The following CACNA1E variants were observed in gnomAD, a reference collection of about 807,000 sequenced individuals.
The protein encoded by CACNA1E is voltage-dependent R-type calcium channel subunit alpha-1E.
CACNA1E carries 40 observed loss-of-function variants against 259.2 expected under a neutral mutation model. The ratio of observed to expected loss-of-function variants is 0.15; its 90% CI spans 0.12 to 0.20. The LOEUF is 0.20. Ranked by LOEUF, CACNA1E falls within the 10% of genes least tolerant of loss-of-function variation. The pLI is 1.00. For missense variants in CACNA1E, 1,874 were observed against 3,040.1 expected, an observed-to-expected ratio of 0.62 and a Z score of 9.02; for synonymous variants, 1,104 against 1,138.5, an observed-to-expected ratio of 0.97 and a Z score of 0.61.
At chr1:181,666,722 A>G (rs945109300) in intron 7 of CACNA1E, among the ~76,000 whole-genome samples, 4 of 115,882 alleles carry the variant, frequency 3.5e-5, no homozygotes, top group Non-Finnish European at 7.8e-5. Context: ...ATATATATAT[A>G]CACACACACA....
At chr1:181,587,797 G>C (rs1030803254) in intron 6 of CACNA1E, among the ~76,000 whole-genome samples, 2 of 152,166 alleles carry the variant, frequency 1.3e-5, no homozygotes, top group Non-Finnish European at 2.9e-5. Context: ...GCAGGAGAAT[G>C]GTGTGAACCC....
chr1:181,807,665 T>A lies in CACNA1E; in HGVS notation c.*8831T>A, dbSNP rs1662723730. 5 of 152,114 alleles carry A rather than the reference T, an allele frequency of 3.3e-5. No individual in the cohort carries two copies. In the South Asian group the frequency reaches 1.0e-3, roughly 32 times the overall value. The allele number at this position is 152,114 out of a possible 1,614,324, so 9.4% of individuals were successfully genotyped here. On this transcript the variant is annotated 3_prime_UTR_variant, in exon 48 of 48. Coordinates refer to ENST00000367573, the MANE Select transcript of CACNA1E (RefSeq NM_001205293.3). ...TTCCAAAATAAGTCCCCTAAGTTTG[T>A]AGTTTGAGCCAAGATATTTTCTTGA... is the stretch of plus-strand genomic sequence containing the variant.
chr1:181,555,292 G>T (rs1648602437), intron 3 of CACNA1E, among the ~76,000 whole-genome samples: 2 of 152,204 alleles, frequency 1.3e-5, no homozygotes, highest in African/African-American at 4.8e-5. Context: ...TGTGCTTGAG[G>T]TGGAAGAAAC....
At chr1:181,328,440 C>G (rs973406873) in intron 1 of CACNA1E, among the ~76,000 whole-genome samples, 2 of 152,136 alleles carry the variant, frequency 1.3e-5, no homozygotes, top group Non-Finnish European at 2.9e-5. Flanking sequence ...AGAGGGCAAG[C>G]CCCAGTGAGC....
intron 6 of CACNA1E, among the ~76,000 whole-genome samples, chr1:181,596,557 C>CGTGTGTGTGTGT (rs60302499): frequency 0.12 from 16,369 of 140,370 alleles, 1,250 homozygotes; most frequent in Non-Finnish European, 0.16. Context: ...CCACCATGTA[C>CGTGTGTGTGTGT]GTGTGTGTGT....
intron 3 of CACNA1E, 70 bp downstream of exon 3, chr1:181,511,580 C>T (rs1415351419): frequency 1.3e-6 from 2 of 1,555,590 alleles, no homozygotes; most frequent in African/African-American, 2.7e-5. Flanking sequence ...TGGCTGGGGG[C>T]AGGGAACCTG....
At chr1:181,786,007 T>C (rs1470176542) in intron 43 of CACNA1E, among the ~76,000 whole-genome samples, 188 bp downstream of exon 43, 2 of 152,238 alleles carry the variant, frequency 1.3e-5, no homozygotes, top group Non-Finnish European at 2.9e-5. Flanking sequence ...AGACTAAGCA[T>C]ACTTAGCACT....
chr1:181,786,348 C>T (rs75638037), intron 43 of CACNA1E, among the ~76,000 whole-genome samples: 7,926 of 151,926 alleles, frequency 0.052, 251 homozygotes, highest in Middle Eastern at 0.11. Flanking sequence ...AATATCACCA[C>T]TTTACACATG....
chr1:181,404,150 G>C (rs1657298978), intron 1 of CACNA1E, among the ~76,000 whole-genome samples: 1 of 152,190 alleles, frequency 6.6e-6, no homozygotes, highest in Non-Finnish European at 1.5e-5. Context: ...ACCTGCTATG[G>C]AGCTGGAGCC....
In CACNA1E at chr1:181,733,606, C is replaced by T; in HGVS notation, c.3118C>T (p.Leu1040=). Residue 1040 remains leucine (L), a synonymous_variant, in exon 21 of 48, where the codon CTA becomes TTA. Transcript: ENST00000367573. ...GCAGGCCCTGCTGGGGAATGTGCAG[C>T]TAGACATGGGCCGGGTCATCAGCCA... ...SEQALLGNVQ[L]DMGRVISQSE... The T allele has an allele frequency of 6.2e-7, 1 of 1,612,986 alleles. No individual in the cohort carries two copies. The highest frequency in any genetic ancestry group is 8.5e-7 in the Non-Finnish European group (1 of 1,179,486).
intron 3 of CACNA1E, among the ~76,000 whole-genome samples, chr1:181,577,436 G>A (rs1651085980): frequency 6.6e-6 from 1 of 152,168 alleles, no homozygotes; most frequent in Admixed American, 6.5e-5. Flanking sequence ...AGAGGGGAAG[G>A]AGTTGAAACA....
chr1:181,633,351 T>TTGA (rs1345114456), intron 6 of CACNA1E, among the ~76,000 whole-genome samples: 7 of 152,236 alleles, frequency 4.6e-5, no homozygotes, highest in East Asian at 1.9e-4. Flanking sequence ...TTGCCATAGC[T>TTGA]TGAGCGAGTG....
At chr1:181,420,909 A>T (rs1658683839) in intron 2 of CACNA1E, among the ~76,000 whole-genome samples, 2 of 152,220 alleles carry the variant, frequency 1.3e-5, no homozygotes, top group Admixed American at 6.5e-5. Flanking sequence ...ACTAGATTGT[A>T]AGCAGAGAAG....
At chr1:181,778,834 A>T (rs1660179774) in intron 38 of CACNA1E, among the ~76,000 whole-genome samples, 1 of 152,164 alleles carries the variant, frequency 6.6e-6, no homozygotes, top group Admixed American at 6.5e-5. Context: ...AGTAAAGAAG[A>T]CTTGCCCAAG....
chr1:181,531,496 C>T (rs1389236311), intron 3 of CACNA1E, among the ~76,000 whole-genome samples: 1 of 152,108 alleles, frequency 6.6e-6, no homozygotes, highest in East Asian at 1.9e-4. Flanking sequence ...CAATAGATGC[C>T]CAACAAATGC....
chr1:181,373,449 T>G (rs866655432), intron 1 of CACNA1E, among the ~76,000 whole-genome samples: 1 of 152,154 alleles, frequency 6.6e-6, no homozygotes, highest in South Asian at 2.1e-4. Flanking sequence ...CTCTGATGGG[T>G]TTTTTGTATT....
chr1:181,677,208 T>C (rs554234378), intron 7 of CACNA1E, among the ~76,000 whole-genome samples: 2 of 152,268 alleles, frequency 1.3e-5, no homozygotes, highest in Non-Finnish European at 2.9e-5. Flanking sequence ...AGATAGATGA[T>C]AGATCTAAAG....
At chr1:181,389,651 T>G (rs940901047) in intron 1 of CACNA1E, among the ~76,000 whole-genome samples, 6 of 152,228 alleles carry the variant, frequency 3.9e-5, no homozygotes, top group Non-Finnish European at 5.9e-5. Flanking sequence ...GGCTTGTGTC[T>G]GTGTGTGTTT....
At chr1:181,384,467 C>G (rs892596104) in intron 1 of CACNA1E, among the ~76,000 whole-genome samples, 3 of 152,202 alleles carry the variant, frequency 2.0e-5, no homozygotes, top group Admixed American at 6.5e-5. Context: ...CCAAGCAACA[C>G]TACTTCCTTT....
Sources: allele counts gnomAD v4.1 joint callset (sites outside exome capture counted in the v4.1 genomes callset), GRCh38; gene constraint gnomAD v4.1.1; transcripts MANE v1.5; gene names NCBI Gene and HGNC (gene_info 2026-07-23, HGNC 2026-07-21).